The following SLC44A4 variants were observed in gnomAD, a reference collection of about 807,000 sequenced individuals.
SLC44A4 encodes solute carrier family 44 member 4.
A neutral mutation model predicts 97.0 loss-of-function variants in SLC44A4; 74 were observed. The observed-to-expected ratio is 0.76, with a 90% confidence interval of 0.63 to 0.93. The LOEUF (loss-of-function observed/expected upper bound fraction) is 0.93. SLC44A4 is among the 40% of genes least tolerant of loss of function. The pLI is 0.00. For synonymous variants in SLC44A4, 325 were observed against 363.8 expected (o/e 0.89, Z 1.21); for missense variants, 799 against 902.9 (o/e 0.88, Z 1.48).
chr6:31,864,931 T>C, intron 18 of SLC44A4, 21 bp from the exon 19 acceptor site: 1 of 1,613,070 alleles, frequency 6.2e-7, no homozygotes, highest in African/African-American at 1.3e-5. Context: ...ATTCTGGGGG[T>C]TAGTGCTGCA....
rs1461489740 is a variant in SLC44A4, at chr6:31,877,059, AG to A, written c.63del (p.Ser22ProfsTer25). Reference sequence around the variant, plus strand: ...CTGTTCTTGATGGGGCCTCGAAAGGAGGGGTCGTATTTGACTGGCTTCCCTG... The same window carrying A: ...CTGTTCTTGATGGGGCCTCGAAAGGAGGGTCGTATTTGACTGGCTTCCCTG... Reference protein sequence around the residue: ...EAYGKPVKYDPSFRGPIKNRS... With the variant: ...EAYGKPVKYDXSFRGPIKNRS... On this transcript the variant is annotated frameshift_variant, in exon 2 of 21. Coordinates refer to ENST00000229729, the MANE Select transcript of SLC44A4 (RefSeq NM_025257.3). LOFTEE classifies it high-confidence loss of function. The surrounding 1 kb of genome is among the most constrained non-coding windows in gnomAD (Gnocchi z 6.5). 2 of 1,610,184 alleles carry A rather than the reference AG, an allele frequency of 1.2e-6. No homozygotes were observed. The highest frequency in any genetic ancestry group is 2.2e-5 in the East Asian group (1 of 44,846).
At chr6:31,869,064 G>T in intron 13 of SLC44A4, 91 bp downstream of exon 13, 2 of 1,066,528 alleles carry the variant, frequency 1.9e-6, no homozygotes, top group Non-Finnish European at 2.7e-6. Context: ...TGCCCTCTGT[G>T]GCCTCAGTCT....
At position 31,876,081 on chromosome 6, in the gene SLC44A4, T is replaced by C. The variant is rs1763427178; in HGVS notation, c.138A>G (p.Leu46=). 1.9e-6 allele frequency: 3 copies of C among 1,613,782 alleles called. No homozygotes were observed. Among genetic ancestry groups the C allele is most frequent in the Non-Finnish European group, 2.5e-6 (3 of 1,179,966 alleles). ...ICCVLFLLFI[L]GYIVVGIVAW... The stretch of plus-strand genomic sequence containing the variant: ...CCACAATCCCCACCACGATGTAACC[T>C]AGAATGAAGAGCAGGAAGAGGACGC... Residue 46 remains leucine, a synonymous_variant, in exon 3 of 21, where the codon CTA becomes CTG. Coordinates refer to ENST00000229729, the MANE Select transcript of SLC44A4 (RefSeq NM_025257.3). The surrounding 1 kb of genome is among the most constrained non-coding windows in gnomAD (Gnocchi z 4.8).
chr6:31,871,020 G>A lies in SLC44A4; in HGVS notation c.729C>T (p.Ser243=). The change falls in exon 10 of 21, where the codon AGC becomes AGT. Residue 243 remains serine, a synonymous_variant. Coordinates refer to ENST00000229729, the MANE Select transcript of SLC44A4 (RefSeq NM_025257.3). ...GGCGCAGAAGCAAGATAAACAGTAGGCTCAAGACCAGAGCCACCCCCAGGG... is the reference window on the plus strand; with the variant it reads ...GGCGCAGAAGCAAGATAAACAGTAGACTCAAGACCAGAGCCACCCCCAGGG... ...LVALGVALVL[S]LLFILLLRLV... 1.2e-6 allele frequency: 2 copies of A among 1,611,022 alleles called. No individual in the cohort carries two copies. Among genetic ancestry groups the A allele is most frequent in the Non-Finnish European group, 1.7e-6 (2 of 1,179,318 alleles).
rs1763311124 is a variant in SLC44A4, at chr6:31,874,030, G to A, written c.529+430C>T. Among the ~76,000 whole-genome samples, 2 of 152,170 alleles carry A rather than the reference G, an allele frequency of 1.3e-5. No individual in the cohort carries two copies. Among genetic ancestry groups the A allele is most frequent in the South Asian group, 4.2e-4 (2 of 4,816 alleles). ...ACTCGGGAGGCTGAAGCAGAGAAGC[G>A]CTTGAACCCGGGAGGCGGGGGTTGC... On this transcript the variant is annotated intron_variant, in intron 7 of 20. Transcript: ENST00000229729. The surrounding 1 kb of genome is among the most constrained non-coding windows in gnomAD (Gnocchi z 4.8).
chr6:31,864,445 T>C, intron 20 of SLC44A4: 1 of 603,920 alleles, frequency 1.7e-6, no homozygotes, highest in Non-Finnish European at 2.9e-6. Flanking sequence ...GAATGCTCCT[T>C]CTTTGGAGAG....
At chr6:31,875,795 T>A in intron 4 of SLC44A4, 57 bp downstream of exon 4, 1 of 1,484,670 alleles carries the variant, frequency 6.7e-7, no homozygotes, top group Non-Finnish European at 9.2e-7. Flanking sequence ...GGGGGGTGTC[T>A]CCTGCCCACC....
In SLC44A4 at chr6:31,874,734, ACC is replaced by A; in HGVS notation, c.453_454del (p.Val152ThrfsTer46). The A allele has an allele frequency of 6.2e-7, 1 of 1,612,020 alleles. No homozygotes were observed. The highest frequency in any genetic ancestry group is 8.5e-7 in the Non-Finnish European group (1 of 1,179,000). ...GGCAATATTCACCATATTCCAGGGT[ACC>A]CCTGGCAGACAAAAGTTCCTGTTTT... On this transcript the variant is annotated frameshift_variant, in exon 6 of 21. Coordinates refer to ENST00000229729, the MANE Select transcript of SLC44A4 (RefSeq NM_025257.3). LOFTEE classifies it high-confidence loss of function. The surrounding 1 kb of genome is among the most constrained non-coding windows in gnomAD (Gnocchi z 4.8).
rs1763345656 is a variant in SLC44A4 at position 31,874,710 on chromosome 6, G to A, written c.468+11C>T. The stretch of plus-strand genomic sequence containing the variant: ...CTGGGCGACAGTGATGAGGTTAGGG[G>A]CAATATTCACCATATTCCAGGGTAC... On this transcript the variant is annotated intron_variant, in intron 6 of 20. Transcript: ENST00000229729. The surrounding 1 kb of genome is among the most constrained non-coding windows in gnomAD (Gnocchi z 4.8). The A allele has an allele frequency of 6.2e-7, 1 of 1,604,622 alleles. No homozygotes were observed.
In SLC44A4 at chr6:31,865,591, G is replaced by A. The variant is rs1762813088; in HGVS notation, c.1593C>T (p.Asn531=). Residue 531 remains asparagine (N), a synonymous_variant, in exon 16 of 21, where the codon AAC becomes AAT. Transcript: ENST00000229729. The surrounding 1 kb of genome is among the most constrained non-coding windows in gnomAD (Gnocchi z 5.2). ...AGCACATGATGCAGCGGGCTACAGG[G>A]TTCTGCACTCCTGGGAGCGAGGAAG... The part of the protein sequence containing the change: ...YIDHKLRGVQ[N]PVARCIMCCF... 1 of 1,604,482 alleles carries A rather than the reference G, an allele frequency of 6.2e-7. No homozygotes were observed.
Position 31,875,068 on chromosome 6 carries a change from AG to A in SLC44A4, c.243-41del, listed in dbSNP as rs754510108. On this transcript the variant is annotated intron_variant, in intron 4 of 20. Transcript: ENST00000229729. ...GGACCATGTGCATCAGGGCCTGGTC[AG>A]GTGTTGGGGGAGGGGAGGGACCACT... 3 of 1,495,426 alleles carry A rather than the reference AG, an allele frequency of 2.0e-6. No homozygotes were observed. The African/African-American group carries it at 4.1e-5, about 21-fold the overall frequency. 92.6% of individuals were successfully genotyped at this position (1,495,426 alleles called of 1,614,324 possible).
rs1446071239 is a variant in SLC44A4 at position 31,876,901 on chromosome 6, C to T, written c.89+133G>A. Reference sequence around the variant, plus strand: ...CAGACACAACAATCCCCCCAGGGCACCACCCATCTGGGGCAGGAGTTTCTC... The same window carrying T: ...CAGACACAACAATCCCCCCAGGGCATCACCCATCTGGGGCAGGAGTTTCTC... On this transcript the variant is annotated intron_variant, in intron 2 of 20. Transcript: ENST00000229729. The surrounding 1 kb of genome is among the most constrained non-coding windows in gnomAD (Gnocchi z 4.8). 20 of 909,990 alleles carry T rather than the reference C, an allele frequency of 2.2e-5. No homozygotes were observed. 56.4% of individuals were successfully genotyped at this position (909,990 alleles called of 1,614,324 possible).
intron 20 of SLC44A4, among the ~76,000 whole-genome samples, chr6:31,864,220 G>A (rs1762711759): frequency 6.6e-6 from 1 of 152,078 alleles, no homozygotes; most frequent in Admixed American, 6.5e-5. Flanking sequence ...GATTACAGGC[G>A]CCCGCCACCG....
chr6:31,874,894 G>C lies in SLC44A4; in HGVS notation c.342+35C>G, dbSNP rs770261258. ...GGGGCTGGAACCTGAGACCCTGGGTGAGATCTGGGGTAGAGGCAGGTCCCA... is the reference window on the plus strand; with the variant it reads ...GGGGCTGGAACCTGAGACCCTGGGTCAGATCTGGGGTAGAGGCAGGTCCCA... On this transcript the variant is annotated intron_variant, in intron 5 of 20. Transcript: ENST00000229729. The surrounding 1 kb of genome is among the most constrained non-coding windows in gnomAD (Gnocchi z 4.8). 1.2e-6 allele frequency: 2 copies of C among 1,613,678 alleles called. No homozygotes were observed. Among genetic ancestry groups the C allele is most frequent in the East Asian group, 4.5e-5 (2 of 44,896 alleles).
chr6:31,865,923 G>C lies in SLC44A4; in HGVS notation c.1437C>G (p.Pro479=), dbSNP rs1477664053. The change falls in exon 14 of 21, where the codon CCC becomes CCG. Residue 479 remains proline, a synonymous_variant. Coordinates refer to ENST00000229729, the MANE Select transcript of SLC44A4 (RefSeq NM_025257.3). This position sits in a 1 kb window ranked among gnomAD's most constrained non-coding sequence, Gnocchi z 5.2. Reference sequence around the variant, plus strand: ...TTAAGGGGAAGGTAGGGATGTCCTGGGGCTTGTGGAAGGCCCAGTAGAAGG... The same window carrying C: ...TTAAGGGGAAGGTAGGGATGTCCTGCGGCTTGTGGAAGGCCCAGTAGAAGG... ...FASFYWAFHK[P]QDIPTFPLIS... 6.2e-7 allele frequency: 1 copy of C among 1,614,060 alleles called. No homozygotes were observed. Among genetic ancestry groups the C allele is most frequent in the Non-Finnish European group, 8.5e-7 (1 of 1,180,036 alleles).
chr6:31,869,377 G>T, intron 12 of SLC44A4, 120 bp from the exon 13 acceptor site: 1 of 957,232 alleles, frequency 1.0e-6, no homozygotes, highest in Non-Finnish European at 1.6e-6. Context: ...CTGAAATTCA[G>T]CCTGTGTGCA....
At position 31,869,262 on chromosome 6, in the gene SLC44A4, AG is replaced by A. The variant is rs2151559995; in HGVS notation, c.1131-6del. 2 of 1,596,084 alleles carry A rather than the reference AG, an allele frequency of 1.3e-6. No homozygotes were observed. Among genetic ancestry groups the A allele is most frequent in the East Asian group, 2.2e-5 (1 of 44,664 alleles). On this transcript the variant is annotated splice_region_variant and splice_polypyrimidine_tract_variant and intron_variant, in intron 12 of 20. Coordinates refer to ENST00000229729, the MANE Select transcript of SLC44A4 (RefSeq NM_025257.3). ...TGCCCCGATGTAGCCAGGTACCCAGAGGGGAGTCAAGGAAAGCATGATCACA... is the reference window on the plus strand; with the variant it reads ...TGCCCCGATGTAGCCAGGTACCCAGAGGGAGTCAAGGAAAGCATGATCACA...
Position 31,874,040 on chromosome 6 carries a change from G to A in SLC44A4, c.529+420C>T, listed in dbSNP as rs1240340811. Reference sequence around the variant, plus strand: ...CTGAAGCAGAGAAGCGCTTGAACCCGGGAGGCGGGGGTTGCAGTGAGCCGA... The same window carrying A: ...CTGAAGCAGAGAAGCGCTTGAACCCAGGAGGCGGGGGTTGCAGTGAGCCGA... On this transcript the variant is annotated intron_variant, in intron 7 of 20. Transcript: ENST00000229729. This position sits in a 1 kb window ranked among gnomAD's most constrained non-coding sequence, Gnocchi z 4.8. Among the ~76,000 whole-genome samples, 1 of 152,052 alleles carries A rather than the reference G, an allele frequency of 6.6e-6. No homozygotes were observed. Among genetic ancestry groups the A allele is most frequent in the African/African-American group, 2.4e-5 (1 of 41,392 alleles).
At chr6:31,872,439 T>C (rs968808661) in intron 7 of SLC44A4, among the ~76,000 whole-genome samples, 13 of 152,194 alleles carry the variant, frequency 8.5e-5, no homozygotes, top group African/African-American at 2.7e-4. Context: ...TTTTGCTGTG[T>C]TGCCCAGGCT....
Sources: gnomAD v4.1 joint callset for allele counts (sites outside exome capture counted in the v4.1 genomes callset) on GRCh38, gnomAD v4.1.1 for gene constraint, Gnocchi (gnomAD v3.1) non-coding constraint, MANE v1.5 for transcripts, NCBI Gene and HGNC (gene_info 2026-07-23, HGNC 2026-07-21) for gene names.